The following APBA1 variants were observed in gnomAD, a reference collection of about 807,000 sequenced individuals.
APBA1 encodes amyloid-beta A4 precursor protein-binding family A member 1.
In APBA1, 55 loss-of-function variants were observed where a neutral mutation model predicts 86.6. That is an observed-to-expected ratio of 0.64 (90% CI 0.51 to 0.80). The LOEUF (loss-of-function observed/expected upper bound fraction) is 0.80. Ranked by LOEUF, APBA1 falls within the 30% of genes least tolerant of loss-of-function variation. APBA1 has a pLI of 0.00. For missense variants in APBA1, 1,090 were observed against 1,183.0 expected, an observed-to-expected ratio of 0.92 and a Z score of 1.15; for synonymous variants, 511 against 493.9, an observed-to-expected ratio of 1.03 and a Z score of -0.46.
chr9:69,518,256 G>A (rs1836199438), intron 1 of APBA1, among the ~76,000 whole-genome samples: 1 of 152,156 alleles, frequency 6.6e-6, no homozygotes, highest in Admixed American at 6.5e-5. Context: ...GTATATGGGA[G>A]GATGTGCATA....
At chr9:69,609,537 T>C (rs997902924) in intron 1 of APBA1, among the ~76,000 whole-genome samples, 4 of 152,252 alleles carry the variant, frequency 2.6e-5, no homozygotes, top group African/African-American at 7.2e-5. Context: ...TGGTTTACTA[T>C]GGCACATGTA....
At chr9:69,495,764 CCAGCT>C in intron 2 of APBA1, among the ~76,000 whole-genome samples, 1 of 152,154 alleles carries the variant, frequency 6.6e-6, no homozygotes, top group South Asian at 2.1e-4. Flanking sequence ...GAAAAAGCAT[CCAGCT>C]CATGTGGAAG....
chr9:69,606,851 A>G (rs1436987920), intron 1 of APBA1, among the ~76,000 whole-genome samples: 1 of 152,124 alleles, frequency 6.6e-6, no homozygotes, highest in Non-Finnish European at 1.5e-5. Context: ...TTCTCAGGCC[A>G]TGCTGCTTCC....
intron 2 of APBA1, among the ~76,000 whole-genome samples, chr9:69,511,114 C>G (rs1327615093): frequency 1.3e-5 from 2 of 151,972 alleles, no homozygotes; most frequent in Non-Finnish European, 2.9e-5. Context: ...GCAAAAGAAA[C>G]TACCATCAGA....
intron 1 of APBA1, among the ~76,000 whole-genome samples, chr9:69,651,627 C>G (rs1823504088): frequency 1.3e-5 from 2 of 152,154 alleles, no homozygotes; most frequent in South Asian, 2.1e-4. Flanking sequence ...AGGCACCCAC[C>G]ACCATGCCCA....
intron 2 of APBA1, among the ~76,000 whole-genome samples, chr9:69,510,868 T>C (rs1355797429): frequency 1.4e-5 from 2 of 146,056 alleles, no homozygotes; most frequent in South Asian, 2.2e-4. Context: ...TGGCTAGCCA[T>C]ATGTAGAAAG....
intron 1 of APBA1, among the ~76,000 whole-genome samples, chr9:69,555,545 A>C (rs1290669364): frequency 6.6e-6 from 1 of 152,236 alleles, no homozygotes; most frequent in Admixed American, 6.5e-5. Context: ...AAAAGGGTGC[A>C]GAGAACCAGC....
At chr9:69,661,178 G>A (rs1024678398) in intron 1 of APBA1, among the ~76,000 whole-genome samples, 4 of 152,198 alleles carry the variant, frequency 2.6e-5, no homozygotes, top group Non-Finnish European at 5.9e-5. Context: ...CACTACAAGG[G>A]CAGAGTGGAG....
intron 10 of APBA1, among the ~76,000 whole-genome samples, chr9:69,443,132 ACAG>A (rs528900511): frequency 1.3e-5 from 2 of 152,176 alleles, no homozygotes; most frequent in Admixed American, 6.5e-5. Context: ...TAAACCCCAC[ACAG>A]CAGCAGCAGC....
intron 1 of APBA1, among the ~76,000 whole-genome samples, chr9:69,641,589 C>T (rs1823287770): frequency 6.6e-6 from 1 of 152,044 alleles, no homozygotes; most frequent in Non-Finnish European, 1.5e-5. Context: ...AACAGACCCA[C>T]CATATATGGT....
chr9:69,544,729 T>A (rs1836669515), intron 1 of APBA1, among the ~76,000 whole-genome samples: 2 of 152,228 alleles, frequency 1.3e-5, no homozygotes, highest in African/African-American at 4.8e-5. Context: ...GCATGAATTT[T>A]AAGAGCTTCT....
chr9:69,605,222 G>A (rs763989013), intron 1 of APBA1, among the ~76,000 whole-genome samples: 9 of 151,884 alleles, frequency 5.9e-5, no homozygotes, highest in African/African-American at 2.2e-4. Flanking sequence ...TTTTTCTCTG[G>A]AACAATGTTT....
intron 2 of APBA1, among the ~76,000 whole-genome samples, chr9:69,489,285 A>G: frequency 6.6e-6 from 1 of 152,130 alleles, no homozygotes; most frequent in Non-Finnish European, 1.5e-5. Context: ...ACAGAGATAT[A>G]GACCAATGGA....
At chr9:69,593,204 C>T (rs1206214173) in intron 1 of APBA1, among the ~76,000 whole-genome samples, 4 of 152,160 alleles carry the variant, frequency 2.6e-5, no homozygotes, top group Admixed American at 2.6e-4. Context: ...AGTCAAACAA[C>T]AGACTGTATT....
chr9:69,489,938 C>G lies in APBA1; in HGVS notation c.1201-13795G>C, dbSNP rs544926432. Among the ~76,000 whole-genome samples, 6 of 152,218 alleles carry G rather than the reference C, an allele frequency of 3.9e-5. No individual in the cohort carries two copies. In the South Asian group the frequency reaches 1.2e-3, roughly 32 times the overall value. ...GTGGCGATTCCTCAGGGATCTAGAACTAGAAATACCATTTGATCCTGCCAT... is the reference window on the plus strand; with the variant it reads ...GTGGCGATTCCTCAGGGATCTAGAAGTAGAAATACCATTTGATCCTGCCAT... On this transcript the variant is annotated intron_variant, in intron 2 of 12. Transcript: ENST00000265381.
At chr9:69,575,442 C>A (rs1564081665) in intron 1 of APBA1, among the ~76,000 whole-genome samples, 1 of 152,136 alleles carries the variant, frequency 6.6e-6, no homozygotes. Context: ...CGTCACGCTA[C>A]CTGACTTCAA....
chr9:69,598,809 G>A (rs969144569), intron 1 of APBA1, among the ~76,000 whole-genome samples: 10 of 152,202 alleles, frequency 6.6e-5, no homozygotes, highest in African/African-American at 1.9e-4. Context: ...GTTATAGTCC[G>A]CCATGAAGGA....
In APBA1 at chr9:69,432,051, T is replaced by C. The variant is rs1834609768; in HGVS notation, c.2442+485A>G. Reference sequence around the variant, plus strand: ...AGTGATGACTGACAGTAGTGATGACTGATAGGAGTGATGAATGGCAACAAT... The same window carrying C: ...AGTGATGACTGACAGTAGTGATGACCGATAGGAGTGATGAATGGCAACAAT... On this transcript the variant is annotated intron_variant, in intron 12 of 12. Coordinates refer to ENST00000265381, the MANE Select transcript of APBA1 (RefSeq NM_001163.4). Among the ~76,000 whole-genome samples, 4 of 152,210 alleles carry C rather than the reference T, an allele frequency of 2.6e-5. No homozygotes were observed. In the South Asian group the frequency reaches 8.3e-4, roughly 32 times the overall value.
chr9:69,559,612 T>G (rs11139338), intron 1 of APBA1, among the ~76,000 whole-genome samples: 46,644 of 152,030 alleles, frequency 0.31, 7,469 homozygotes, highest in South Asian at 0.42. Flanking sequence ...GGGCATAGAA[T>G]TCTGGGTCGA....
Sources: allele counts gnomAD v4.1 joint callset (sites outside exome capture counted in the v4.1 genomes callset), GRCh38; gene constraint gnomAD v4.1.1; transcripts MANE v1.5; gene names NCBI Gene and HGNC (gene_info 2026-07-23, HGNC 2026-07-21).